The following ANKRD17 variants were observed in gnomAD, a reference collection of about 807,000 sequenced individuals.
The protein encoded by ANKRD17 is ankyrin repeat domain 17.
ANKRD17 carries 19 observed loss-of-function variants against 229.7 expected under a neutral mutation model. The ratio of observed to expected loss-of-function variants is 0.08; its 90% confidence interval spans 0.06 to 0.12. The LOEUF is 0.12. Among genes scored for constraint, ANKRD17 ranks in the 10% least tolerant of loss-of-function variants. ANKRD17 has a pLI of 1.00. For missense variants in ANKRD17, 2,176 were observed against 3,176.8 expected, an observed-to-expected ratio of 0.68 and a Z score of 7.57; for synonymous variants, 1,112 against 1,146.1, an observed-to-expected ratio of 0.97 and a Z score of 0.60.
At position 73,091,546 on chromosome 4, in the gene ANKRD17, T is replaced by G. The variant is rs545168922; in HGVS notation, c.6082A>C (p.Thr2028Pro). ...TCTTTGGCAGTAGGCATAGGATATG[T>G]GGCATTTGTGGGTGCAGTGTTGTTG... Reference protein sequence around the residue: ...SNNNTAPTNATYPMPTAKEHY... With the variant: ...SNNNTAPTNAPYPMPTAKEHY... Residue 2028 changes from threonine (T) to proline (P), a missense_variant, in exon 29 of 34, where the codon ACA (threonine) becomes CCA (proline). Around this residue, in one of 18 missense-constraint regions of ANKRD17, gnomAD observed 424 missense variants for 454.0 expected, o/e 0.93. Coordinates refer to ENST00000358602, the MANE Select transcript of ANKRD17 (RefSeq NM_032217.5). 6.2e-7 allele frequency: 1 copy of G among 1,614,198 alleles called. No individual in the cohort carries two copies. The highest frequency in any genetic ancestry group is 1.7e-5 in the Admixed American group (1 of 60,022).
chr4:73,139,439 C>T (rs1729336877), intron 15 of ANKRD17, 92 bp downstream of exon 15: 4 of 1,459,684 alleles, frequency 2.7e-6, no homozygotes, highest in South Asian at 2.8e-5. Context: ...AAAAATAGTT[C>T]TCAAGTTGGG....
intron 1 of ANKRD17, among the ~76,000 whole-genome samples, chr4:73,198,520 G>A (rs1440747787): frequency 6.6e-6 from 1 of 152,064 alleles, no homozygotes; most frequent in Non-Finnish European, 1.5e-5. Context: ...AATGAAATAT[G>A]TATATGCAAA....
At chr4:73,077,685 G>C in intron 31 of ANKRD17, 152 bp from the exon 32 acceptor site, 1 of 688,978 alleles carries the variant, frequency 1.5e-6, no homozygotes, top group East Asian at 3.2e-5. Context: ...TCCATGGTTT[G>C]TAAGTAGTGA....
chr4:73,177,068 C>T (rs1734830489), intron 2 of ANKRD17, among the ~76,000 whole-genome samples: 2 of 152,180 alleles, frequency 1.3e-5, no homozygotes, highest in Non-Finnish European at 2.9e-5. Flanking sequence ...ACCGCTAGTA[C>T]TGATTTTGAA....
At chr4:73,175,586 T>C (rs147315099) in intron 2 of ANKRD17, among the ~76,000 whole-genome samples, 1 of 152,294 alleles carries the variant, frequency 6.6e-6, no homozygotes, top group Non-Finnish European at 1.5e-5. Flanking sequence ...CAAAATGGCA[T>C]GATTGTCACA....
rs778351092 is a variant in ANKRD17, at chr4:73,142,273, T to C, written c.2198A>G (p.Gln733Arg). The C allele has an allele frequency of 1.3e-6, 2 of 1,555,578 alleles. No homozygotes were observed. Among genetic ancestry groups the C allele is most frequent in the South Asian group, 2.5e-5 (2 of 80,086 alleles). ...LLSAPPPDVT[Q>R]LTPPSHDLNR... ...TAAATCGTGGGATGGGGGAGTTAAC[T>C]GAGTGACATCTGGTGGAGGGGCTGA... Residue 733 changes from glutamine (Q) to arginine (R), a missense_variant, in exon 13 of 34, where the codon CAG becomes CGG. This residue lies in a region of ANKRD17 where 275 missense variants were observed against 386.9 expected (regional missense o/e 0.71). Coordinates refer to ENST00000358602, the MANE Select transcript of ANKRD17 (RefSeq NM_032217.5).
At chr4:73,098,714 T>C in intron 25 of ANKRD17, 194 bp from the exon 26 acceptor site, 1 of 886,046 alleles carries the variant, frequency 1.1e-6, no homozygotes, top group Non-Finnish European at 1.8e-6. Flanking sequence ...GTTCAAAGAA[T>C]AGCAGGTAGT....
chr4:73,216,840 G>C (rs1741121139), intron 1 of ANKRD17, among the ~76,000 whole-genome samples: 1 of 152,172 alleles, frequency 6.6e-6, no homozygotes, highest in African/African-American at 2.4e-5. Context: ...TTAATGGCCA[G>C]TATTAATCCA....
chr4:73,138,650 ATTCCT>A (rs1729214837), intron 15 of ANKRD17, among the ~76,000 whole-genome samples: 2 of 152,074 alleles, frequency 1.3e-5, no homozygotes, highest in South Asian at 4.1e-4. Flanking sequence ...TCCACTGTTT[ATTCCT>A]TTCATTTTTC....
chr4:73,139,391 T>C, intron 15 of ANKRD17, 140 bp downstream of exon 15: 3 of 967,354 alleles, frequency 3.1e-6, no homozygotes, highest in Non-Finnish European at 4.5e-6. Flanking sequence ...ACTTCTGAGA[T>C]TGAACTAATA....
At chr4:73,124,617 A>G (rs1473271322) in intron 18 of ANKRD17, among the ~76,000 whole-genome samples, 1 of 152,210 alleles carries the variant, frequency 6.6e-6, no homozygotes, top group Non-Finnish European at 1.5e-5. Flanking sequence ...AGATGAGTGA[A>G]TATAGGCCCT....
At chr4:73,223,839 T>C (rs577010498) in intron 1 of ANKRD17, among the ~76,000 whole-genome samples, 6 of 152,224 alleles carry the variant, frequency 3.9e-5, no homozygotes, top group Admixed American at 1.3e-4. Context: ...AGTGAGTGAG[T>C]GACAGTGGAG....
intron 1 of ANKRD17, among the ~76,000 whole-genome samples, chr4:73,222,726 TC>T (rs2149214153): frequency 6.6e-6 from 1 of 152,266 alleles, no homozygotes; most frequent in South Asian, 2.1e-4. Flanking sequence ...CTCCCCTTTT[TC>T]CCTAACAAAC....
intron 1 of ANKRD17, among the ~76,000 whole-genome samples, chr4:73,190,358 G>A (rs1332752455): frequency 1.3e-5 from 2 of 152,026 alleles, no homozygotes; most frequent in Non-Finnish European, 2.9e-5. Context: ...GATGGGATGA[G>A]ATTCCGTCTC....
At chr4:73,247,109 A>C (rs1013612365) in intron 1 of ANKRD17, among the ~76,000 whole-genome samples, 1 of 152,116 alleles carries the variant, frequency 6.6e-6, no homozygotes, top group African/African-American at 2.4e-5. Context: ...AGACAATCCT[A>C]ATAGAAAAAT....
chr4:73,109,292 G>A (rs1319101110), intron 24 of ANKRD17, among the ~76,000 whole-genome samples: 4 of 139,574 alleles, frequency 2.9e-5, no homozygotes, highest in Admixed American at 7.2e-5. Flanking sequence ...AGAGTGAGGC[G>A]CTGTCTCAAA....
At chr4:73,257,878 C>A (rs917664645) in intron 1 of ANKRD17, among the ~76,000 whole-genome samples, 3 of 152,054 alleles carry the variant, frequency 2.0e-5, no homozygotes, top group Non-Finnish European at 2.9e-5. Flanking sequence ...CCAAGAGACT[C>A]ATTTACCCAT....
chr4:73,195,006 G>A (rs181801497), intron 1 of ANKRD17, among the ~76,000 whole-genome samples: 4 of 152,192 alleles, frequency 2.6e-5, no homozygotes, highest in Admixed American at 6.5e-5. Context: ...AATGGAAAAC[G>A]TTGCTAAACT....
At chr4:73,083,432 A>T (rs1721772011) in intron 30 of ANKRD17, among the ~76,000 whole-genome samples, 1 of 152,162 alleles carries the variant, frequency 6.6e-6, no homozygotes, top group Non-Finnish European at 1.5e-5. Context: ...GGTTCAGCAA[A>T]ACAGTAGAGA....
Sources: allele counts gnomAD v4.1 joint callset (sites outside exome capture counted in the v4.1 genomes callset), GRCh38; gene constraint gnomAD v4.1.1; regional missense constraint gnomAD v4.1.1; transcripts MANE v1.5; gene names NCBI Gene and HGNC (gene_info 2026-07-23, HGNC 2026-07-21).